Variants in MGAT5B observed in about 807,000 individuals in gnomAD.
MGAT5B encodes the protein alpha-1,6-mannosylglycoprotein 6-beta-N-acetylglucosaminyltransferase B.
A neutral mutation model predicts 95.1 loss-of-function variants in MGAT5B; 54 were observed. The observed-to-expected ratio is 0.57, with a 90% CI of 0.46 to 0.71. MGAT5B has a LOEUF of 0.71. Among genes scored for constraint, MGAT5B ranks in the 30% least tolerant of loss-of-function variants. The pLI is 0.00. For synonymous variants in MGAT5B, 464 were observed against 451.0 expected (o/e 1.03, Z -0.36); for missense variants, 935 against 1,088.6 (o/e 0.86, Z 1.99).
rs1273679152 is a variant in MGAT5B at position 76,950,315 on chromosome 17, T to A, written c.*1477T>A. The A allele has an allele frequency of 1.3e-5, 1 of 76,664 alleles. No homozygotes were observed. Among genetic ancestry groups the A allele is most frequent in the Non-Finnish European group, 2.8e-5 (1 of 35,612 alleles). The allele number at this position is 76,664 out of a possible 1,614,324, so 4.7% of individuals were successfully genotyped here. A position where few individuals can be genotyped will look rare whatever the true frequency, so the allele number is the denominator to read the frequency against. On this transcript the variant is annotated 3_prime_UTR_variant, in exon 18 of 18. Transcript: ENST00000569840. ...CTGTGGGGGAAAGCAATAGAGACACTCTTTTTCTCTCTTTTTTTTAAAGAT... is the reference window on the plus strand; with the variant it reads ...CTGTGGGGGAAAGCAATAGAGACACACTTTTTCTCTCTTTTTTTTAAAGAT...
At chr17:76,885,814 G>A (rs1003703518) in intron 3 of MGAT5B, among the ~76,000 whole-genome samples, 10 of 152,130 alleles carry the variant, frequency 6.6e-5, no homozygotes, top group South Asian at 6.2e-4. Flanking sequence ...TGCCCCCTCC[G>A]CACCCTGAAC....
chr17:76,945,390 A>C (rs981983563), intron 15 of MGAT5B, among the ~76,000 whole-genome samples: 1 of 152,140 alleles, frequency 6.6e-6, no homozygotes, highest in Non-Finnish European at 1.5e-5. Context: ...CCCAGGTTCA[A>C]GTGATTCTCC....
Position 76,904,401 on chromosome 17 carries a change from C to G in MGAT5B, c.669C>G (p.Pro223=). 1 of 1,561,576 alleles carries G rather than the reference C, an allele frequency of 6.4e-7. No individual in the cohort carries two copies. The highest frequency in any genetic ancestry group is 8.7e-7 in the Non-Finnish European group (1 of 1,153,232). Residue 223 remains proline, a synonymous_variant, in exon 6 of 18, where the codon CCC becomes CCG. Coordinates refer to ENST00000569840, the MANE Select transcript of MGAT5B (RefSeq NM_001199172.2). ...WRNQTAAQRA[P]KPLPKVQAVF... The stretch of plus-strand genomic sequence containing the variant: ...ACCAGACGGCTGCCCAGAGGGCACC[C>G]AAGCCCCTCCCCAAAGTCCAGGTGG...
chr17:76,892,715 A>G (rs367553312), intron 3 of MGAT5B, among the ~76,000 whole-genome samples: 4 of 152,356 alleles, frequency 2.6e-5, no homozygotes, highest in East Asian at 1.9e-4. Context: ...CTCCCAGTGA[A>G]GCTGTGACAG....
At chr17:76,872,797 TCA>T (rs1967055279) in intron 1 of MGAT5B, 52 bp from the exon 2 acceptor site, 2 of 1,613,898 alleles carry the variant, frequency 1.2e-6, no homozygotes, top group Non-Finnish European at 1.7e-6. Flanking sequence ...TGGTGGAGCG[TCA>T]GGGCACGATG....
In MGAT5B at chr17:76,917,720, A is replaced by T. The variant is rs1404322290; in HGVS notation, c.1026-7246A>T. 6.6e-6 allele frequency among the ~76,000 whole-genome samples: 1 copy of T among 152,108 alleles called. No individual in the cohort carries two copies. The highest frequency in any genetic ancestry group is 1.5e-5 in the Non-Finnish European group (1 of 68,026). ...GTCCCTGCACAGGTTGGTTCTCAGC[A>T]AAGGTTGGTGGAACCGGATAGAATA... On this transcript the variant is annotated intron_variant, in intron 8 of 17. Transcript: ENST00000569840. This position sits in a 1 kb window ranked among gnomAD's most constrained non-coding sequence, Gnocchi z 6.1.
intron 2 of MGAT5B, among the ~76,000 whole-genome samples, chr17:76,879,184 G>C (rs1290033049): frequency 6.6e-6 from 1 of 152,216 alleles, no homozygotes; most frequent in Non-Finnish European, 1.5e-5. Context: ...TGAGGTTTCT[G>C]GGAGGGGGCT....
Position 76,872,846 on chromosome 17 carries a change from C to T in MGAT5B, c.69-5C>T, listed in dbSNP as rs756041564. The T allele has an allele frequency of 4.0e-5, 64 of 1,614,112 alleles. No homozygotes were observed. Among genetic ancestry groups the T allele is most frequent in the African/African-American group, 8.0e-5 (6 of 74,950 alleles). ...CCTCCTGACCCGCCTCCTTCCTCTC[C>T]GCAGGCTTTTTGTCCTGGGCATCGG... On this transcript the variant is annotated splice_region_variant and splice_polypyrimidine_tract_variant and intron_variant, in intron 1 of 17. Coordinates refer to ENST00000569840, the MANE Select transcript of MGAT5B (RefSeq NM_001199172.2).
intron 3 of MGAT5B, among the ~76,000 whole-genome samples, chr17:76,891,482 C>T (rs773970845): frequency 8.6e-5 from 13 of 152,026 alleles, no homozygotes; most frequent in Non-Finnish European, 1.9e-4. Flanking sequence ...TGGGTTCAAG[C>T]GATTCTCCTG....
intron 10 of MGAT5B, among the ~76,000 whole-genome samples, chr17:76,931,977 C>T (rs1438467691): frequency 6.6e-6 from 1 of 152,074 alleles, no homozygotes; most frequent in Non-Finnish European, 1.5e-5. Flanking sequence ...ACCTCTTAGG[C>T]TGCTGCTGCT....
At chr17:76,891,897 T>C (rs536235757) in intron 3 of MGAT5B, among the ~76,000 whole-genome samples, 1 of 152,234 alleles carries the variant, frequency 6.6e-6, no homozygotes, top group Admixed American at 6.5e-5. Flanking sequence ...AAGTTCTCGG[T>C]GCTTCGAACA....
At position 76,940,587 on chromosome 17, in the gene MGAT5B, C is replaced by T. The variant is rs200817000; in HGVS notation, c.1731+39C>T. On this transcript the variant is annotated intron_variant, in intron 14 of 17. Transcript: ENST00000569840. This position sits in a 1 kb window ranked among gnomAD's most constrained non-coding sequence, Gnocchi z 4.3. ...ATCCTGGTCCCCGATCAGGAGGGGC[C>T]GGGACAGAGACCCCTGCAGGTCCTG... The T allele has an allele frequency of 1.4e-5, 22 of 1,591,014 alleles. No individual in the cohort carries two copies. Among genetic ancestry groups the T allele is most frequent in the South Asian group, 2.3e-5 (2 of 88,472 alleles).
At position 76,940,198 on chromosome 17, in the gene MGAT5B, G is replaced by A. The variant is rs1390504301; in HGVS notation, c.1585-204G>A. ...GGAAACTGAGGCCCAGAGAGGGGAA[G>A]TGCTTGCCCGTGGCACAAGATGTTC... On this transcript the variant is annotated intron_variant, in intron 13 of 17. Coordinates refer to ENST00000569840, the MANE Select transcript of MGAT5B (RefSeq NM_001199172.2). This position sits in a 1 kb window ranked among gnomAD's most constrained non-coding sequence, Gnocchi z 4.3. 6.6e-6 allele frequency among the ~76,000 whole-genome samples: 1 copy of A among 152,190 alleles called. No individual in the cohort carries two copies. The highest frequency in any genetic ancestry group is 2.4e-5 in the African/African-American group (1 of 41,434).
At chr17:76,929,179 TA>T (rs1362405374) in intron 10 of MGAT5B, among the ~76,000 whole-genome samples, 2 of 152,176 alleles carry the variant, frequency 1.3e-5, no homozygotes, top group African/African-American at 4.8e-5. Context: ...GCAACATTTT[TA>T]TTGAGGTGTA....
chr17:76,917,045 A>T lies in MGAT5B; in HGVS notation c.1026-7921A>T, dbSNP rs1389924038. Among the ~76,000 whole-genome samples the T allele has an allele frequency of 2.0e-5, 3 of 152,160 alleles. No homozygotes were observed. The highest frequency in any genetic ancestry group is 7.2e-5 in the African/African-American group (3 of 41,426). On this transcript the variant is annotated intron_variant, in intron 8 of 17. Coordinates refer to ENST00000569840, the MANE Select transcript of MGAT5B (RefSeq NM_001199172.2). The surrounding 1 kb of genome is among the most constrained non-coding windows in gnomAD (Gnocchi z 6.1). The stretch of plus-strand genomic sequence containing the variant: ...CTTCCCGACTACGCTGTCAGGTTTG[A>T]GTCAGCCTAGTTGTGCTAAGTCCAA...
chr17:76,936,363 G>T (rs920658987), intron 12 of MGAT5B, among the ~76,000 whole-genome samples: 1 of 152,162 alleles, frequency 6.6e-6, no homozygotes, highest in Admixed American at 6.5e-5. Flanking sequence ...AGTCGAGATC[G>T]CACCACTGCA....
chr17:76,871,135 C>CT (rs1966996741), intron 1 of MGAT5B, among the ~76,000 whole-genome samples: 1 of 152,184 alleles, frequency 6.6e-6, no homozygotes, highest in Non-Finnish European at 1.5e-5. Context: ...TCTCCAGGGA[C>CT]TAGAGACATG....
In MGAT5B at chr17:76,912,793, C is replaced by T. The variant is rs1380304890; in HGVS notation, c.1025+6606C>T. On this transcript the variant is annotated intron_variant, in intron 8 of 17. Coordinates refer to ENST00000569840, the MANE Select transcript of MGAT5B (RefSeq NM_001199172.2). The surrounding 1 kb of genome is among the most constrained non-coding windows in gnomAD (Gnocchi z 5.0). ...CAGCAAGGTGATGTCAGCCAGTCCC[C>T]GCCCGCGCCCCGCCGTGTGCGGAGG... Among the ~76,000 whole-genome samples the T allele has an allele frequency of 6.6e-6, 1 of 152,152 alleles. No homozygotes were observed. The highest frequency in any genetic ancestry group is 6.5e-5 in the Admixed American group (1 of 15,280).
intron 3 of MGAT5B, among the ~76,000 whole-genome samples, chr17:76,886,689 C>T (rs962809567): frequency 2.0e-5 from 3 of 152,066 alleles, no homozygotes; most frequent in Admixed American, 1.3e-4. Flanking sequence ...GCACTGTGGC[C>T]GGAGGACCTG....
Sources: gnomAD v4.1 joint callset for allele counts (sites outside exome capture counted in the v4.1 genomes callset) on GRCh38, gnomAD v4.1.1 for gene constraint, Gnocchi (gnomAD v3.1) non-coding constraint, MANE v1.5 for transcripts, NCBI Gene and HGNC (gene_info 2026-07-23, HGNC 2026-07-21) for gene names.